SRBD1: variants seen among roughly 807,000 people sequenced by gnomAD.
SRBD1 encodes the protein S1 RNA-binding domain-containing protein 1.
Under a neutral mutation model 115.3 loss-of-function variants are expected in SRBD1, and 88 were observed. The observed-to-expected ratio is 0.76, with a 90% CI of 0.64 to 0.91. SRBD1 has a LOEUF of 0.91. Ranked by LOEUF, SRBD1 falls within the 40% of genes least tolerant of loss-of-function variation. SRBD1 has a pLI of 0.00. For synonymous variants in SRBD1, 509 were observed against 407.7 expected, an observed-to-expected ratio of 1.25 and a Z score of -2.99; for missense variants, 1,385 against 1,177.4, an observed-to-expected ratio of 1.18 and a Z score of -2.58.
chr2:45,574,649 T>C lies in SRBD1; in HGVS notation c.1147A>G (p.Thr383Ala). The change falls in exon 8 of 21, where the codon ACG becomes GCG. Residue 383 changes from threonine (T) to alanine (A), a missense_variant. Coordinates refer to ENST00000263736, the MANE Select transcript of SRBD1 (RefSeq NM_018079.5). ...LADMIAKDKD[T>A]LDFIRNLCQK... ...CACAAGTTCCGAATGAAGTCAAGCG[T>C]GTCTTTGTCTTTAGCAATCATATCT... 6.2e-7 allele frequency: 1 copy of C among 1,613,676 alleles called. No homozygotes were observed. The highest frequency in any genetic ancestry group is 8.5e-7 in the Non-Finnish European group (1 of 1,179,800).
rs1036453178 is a variant in SRBD1, at chr2:45,494,611, T to C, written c.1875-6280A>G. Among the ~76,000 whole-genome samples the C allele has an allele frequency of 2.6e-5, 4 of 152,176 alleles. No individual in the cohort carries two copies. In the East Asian group the frequency reaches 7.7e-4, roughly 29 times the overall value. ...AAAAAATCTTATAAGAAAATACAAA[T>C]TATACATCCTTAAATTTCACTTGGT... On this transcript the variant is annotated intron_variant, in intron 14 of 20. Coordinates refer to ENST00000263736, the MANE Select transcript of SRBD1 (RefSeq NM_018079.5).
intron 16 of SRBD1, among the ~76,000 whole-genome samples, chr2:45,465,387 T>C (rs756831720): frequency 8.5e-5 from 13 of 152,084 alleles, no homozygotes; most frequent in African/African-American, 1.7e-4. Context: ...GGGCTGACTA[T>C]ATACACACAT....
intron 19 of SRBD1, among the ~76,000 whole-genome samples, chr2:45,406,305 T>C (rs1667435290): frequency 6.6e-6 from 1 of 151,976 alleles, no homozygotes; most frequent in South Asian, 2.1e-4. Context: ...GATTGTAAGG[T>C]AGTTTTGAGT....
At chr2:45,525,556 T>G (rs144412089) in intron 14 of SRBD1, among the ~76,000 whole-genome samples, 8 of 152,000 alleles carry the variant, frequency 5.3e-5, no homozygotes, top group Admixed American at 1.3e-4. Context: ...ATATATTGTA[T>G]TCTTAAAAAA....
At chr2:45,550,666 G>A (rs1290237909) in intron 12 of SRBD1, among the ~76,000 whole-genome samples, 1 of 151,970 alleles carries the variant, frequency 6.6e-6, no homozygotes, top group Non-Finnish European at 1.5e-5. Flanking sequence ...AGTTCTTCAG[G>A]CAGAAAGAAA....
At chr2:45,407,065 T>G (rs992394408) in intron 19 of SRBD1, among the ~76,000 whole-genome samples, 3 of 152,170 alleles carry the variant, frequency 2.0e-5, no homozygotes, top group Admixed American at 2.0e-4. Context: ...GTGAGATAGA[T>G]CTAGTTCAAA....
intron 14 of SRBD1, among the ~76,000 whole-genome samples, chr2:45,496,315 C>T (rs531139540): frequency 6.6e-6 from 1 of 151,570 alleles, no homozygotes; most frequent in African/African-American, 2.4e-5. Context: ...TATCTAATAA[C>T]GTAAGACAGA....
At chr2:45,515,803 T>A (rs1001288623) in intron 14 of SRBD1, among the ~76,000 whole-genome samples, 2 of 152,204 alleles carry the variant, frequency 1.3e-5, no homozygotes, top group African/African-American at 4.8e-5. Context: ...AGTACAATGT[T>A]GTAATATTTC....
chr2:45,481,032 T>A (rs1349868683), intron 15 of SRBD1, among the ~76,000 whole-genome samples: 1 of 152,108 alleles, frequency 6.6e-6, no homozygotes, highest in Non-Finnish European at 1.5e-5. Context: ...TCAGCAACCA[T>A]GAACATCAAG....
At chr2:45,576,746 C>G (rs894987227) in intron 7 of SRBD1, among the ~76,000 whole-genome samples, 1 of 152,136 alleles carries the variant, frequency 6.6e-6, no homozygotes, top group Non-Finnish European at 1.5e-5. Context: ...TATCCCAGAG[C>G]ATCATCACAT....
At chr2:45,603,929 A>G (rs972995678) in intron 2 of SRBD1, among the ~76,000 whole-genome samples, 3 of 152,068 alleles carry the variant, frequency 2.0e-5, no homozygotes, top group Admixed American at 6.6e-5. Flanking sequence ...AATCACATCA[A>G]ACTTACCAAG....
At chr2:45,562,563 T>C (rs1672701763) in intron 10 of SRBD1, 90 bp downstream of exon 10, 1 of 1,015,496 alleles carries the variant, frequency 9.8e-7, no homozygotes, top group Non-Finnish European at 1.4e-6. Flanking sequence ...GTTCACGTAA[T>C]AGACATCTTT....
At chr2:45,451,491 T>C (rs189520051) in intron 16 of SRBD1, among the ~76,000 whole-genome samples, 2 of 152,160 alleles carry the variant, frequency 1.3e-5, no homozygotes, top group Admixed American at 1.3e-4. Context: ...TGACATACTA[T>C]CAGAGATTTT....
At chr2:45,571,791 G>A (rs1572792264) in intron 9 of SRBD1, among the ~76,000 whole-genome samples, 1 of 151,794 alleles carries the variant, frequency 6.6e-6, no homozygotes, top group East Asian at 1.9e-4. Context: ...TGAATACAAA[G>A]AATAAATCAA....
intron 19 of SRBD1, among the ~76,000 whole-genome samples, chr2:45,394,601 T>A (rs377546695): frequency 6.6e-6 from 1 of 152,336 alleles, no homozygotes; most frequent in East Asian, 1.9e-4. Context: ...TGATTTTAAG[T>A]CTTTTTTGCA....
chr2:45,567,906 A>G (rs560248643), intron 9 of SRBD1: 4 of 152,350 alleles, frequency 2.6e-5, no homozygotes, highest in African/African-American at 9.6e-5. Context: ...CTTTTTCACC[A>G]TACCTAGTAA....
chr2:45,503,543 C>T (rs1377591068), intron 14 of SRBD1, among the ~76,000 whole-genome samples: 2 of 152,114 alleles, frequency 1.3e-5, no homozygotes, highest in East Asian at 3.8e-4. Flanking sequence ...TTTTATTAGT[C>T]ATTTTCACTT....
At chr2:45,409,588 A>G (rs1177641593) in intron 19 of SRBD1, among the ~76,000 whole-genome samples, 1 of 151,966 alleles carries the variant, frequency 6.6e-6, no homozygotes, top group Non-Finnish European at 1.5e-5. Flanking sequence ...GTAAAGTTTA[A>G]TATAGTTACT....
intron 16 of SRBD1, among the ~76,000 whole-genome samples, chr2:45,476,757 G>C (rs968419211): frequency 3.3e-5 from 5 of 152,172 alleles, no homozygotes; most frequent in African/African-American, 1.2e-4. Flanking sequence ...TGTTTTCATA[G>C]TCTTTCAATC....
Sources: gnomAD v4.1 joint callset for allele counts (sites outside exome capture counted in the v4.1 genomes callset) on GRCh38, gnomAD v4.1.1 for gene constraint, MANE v1.5 for transcripts, NCBI Gene and HGNC (gene_info 2026-07-23, HGNC 2026-07-21) for gene names.